The following ACTG2 variants were observed in gnomAD, a reference collection of about 807,000 sequenced individuals.
The protein encoded by ACTG2 is actin, gamma-enteric smooth muscle.
A neutral mutation model predicts 37.6 loss-of-function variants in ACTG2; 16 were observed. That is an observed-to-expected ratio of 0.43 (90% CI 0.29 to 0.65). ACTG2 has a LOEUF of 0.65. Among genes scored for constraint, ACTG2 ranks in the 30% least tolerant of loss-of-function variants. The probability of loss-of-function intolerance (pLI) is 0.18; values close to 1 mark genes in which losing one functional copy is unlikely to be tolerated. For synonymous variants in ACTG2, 181 were observed against 179.9 expected (o/e 1.01, Z -0.05); for missense variants, 238 against 490.9 (o/e 0.48, Z 4.87).
At chr2:73,914,643 C>T in intron 6 of ACTG2, 37 bp from the exon 7 acceptor site, 2 of 1,469,574 alleles carry the variant, frequency 1.4e-6, no homozygotes, top group Non-Finnish European at 1.8e-6. Flanking sequence ...ACTATCAGAG[C>T]TCAGTATTCA....
chr2:73,895,366 T>C (rs781444860), intron 1 of ACTG2, among the ~76,000 whole-genome samples: 2 of 152,214 alleles, frequency 1.3e-5, no homozygotes, highest in Non-Finnish European at 2.9e-5. Flanking sequence ...GAGTTGTTTT[T>C]AATTGAACTC....
Position 73,899,011 on chromosome 2 carries a change from C to T in ACTG2, c.-36-2265C>T, listed in dbSNP as rs1351738055. ...ATTTTTAGTAGAGACGGGGTTTCAC[C>T]ATGTTAGCCAGGATGGTCTTGATCT... On this transcript the variant is annotated intron_variant, in intron 1 of 8. Coordinates refer to ENST00000345517, the MANE Select transcript of ACTG2 (RefSeq NM_001615.4). Among the ~76,000 whole-genome samples, 8 of 151,790 alleles carry T rather than the reference C, an allele frequency of 5.3e-5. No individual in the cohort carries two copies. In the South Asian group the frequency reaches 6.2e-4, roughly 12 times the overall value.
Position 73,902,922 on chromosome 2 carries a change from C to T in ACTG2, c.255+434C>T, listed in dbSNP as rs1573463396. ...CAATATTTACTCAGGCCAGTGCTCA[C>T]CCCTTCTTTAAAATGCTGGTGCTGG... On this transcript the variant is annotated intron_variant, in intron 3 of 8. Coordinates refer to ENST00000345517, the MANE Select transcript of ACTG2 (RefSeq NM_001615.4). 34 of 752,000 alleles carry T rather than the reference C, an allele frequency of 4.5e-5. No individual in the cohort carries two copies. In the East Asian group the frequency reaches 9.4e-4, roughly 21 times the overall value. 46.6% of individuals were successfully genotyped at this position (752,000 alleles called of 1,614,324 possible).
intron 1 of ACTG2, chr2:73,897,280 A>AAAGGGCCCATT (rs1208658435): frequency 1.3e-5 from 2 of 152,204 alleles, no homozygotes; most frequent in East Asian, 3.8e-4. Context: ...GAGGGAGACA[A>AAAGGGCCCATT]AAGGGCCCAT....
At chr2:73,915,099 A>G (rs1680229477) in intron 7 of ACTG2, among the ~76,000 whole-genome samples, 1 of 152,222 alleles carries the variant, frequency 6.6e-6, no homozygotes, top group Admixed American at 6.5e-5. Flanking sequence ...AGAACAGGAA[A>G]TATAACATGA....
chr2:73,916,986 T>C (rs1354402018), intron 8 of ACTG2, among the ~76,000 whole-genome samples: 1 of 152,160 alleles, frequency 6.6e-6, no homozygotes, highest in Non-Finnish European at 1.5e-5. Context: ...CCCAGGAATG[T>C]CACATGAGAA....
At chr2:73,919,046 A>T (rs1002629207) in intron 8 of ACTG2, among the ~76,000 whole-genome samples, 1 of 152,204 alleles carries the variant, frequency 6.6e-6, no homozygotes, top group Non-Finnish European at 1.5e-5. Flanking sequence ...AGCTCAGGTC[A>T]AGTCCATATT....
rs1219089654 is a variant in ACTG2 at position 73,906,344 on chromosome 2, G to A, written c.256-2329G>A. ...TGGGCACCCGTAGTCCCAGCTACTC[G>A]GGAGGCTGACGCAGGAGAATGCCGT... On this transcript the variant is annotated intron_variant, in intron 3 of 8. Transcript: ENST00000345517. 2.6e-5 allele frequency among the ~76,000 whole-genome samples: 4 copies of A among 151,844 alleles called. No homozygotes were observed. In the East Asian group the frequency reaches 5.8e-4, roughly 22 times the overall value.
chr2:73,913,366 A>G (rs1678870358), intron 5 of ACTG2, 119 bp from the exon 6 acceptor site: 1 of 930,060 alleles, frequency 1.1e-6, no homozygotes, highest in African/African-American at 1.7e-5. Flanking sequence ...GTGATGGGTG[A>G]ATATTCTTAA....
intron 8 of ACTG2, among the ~76,000 whole-genome samples, chr2:73,918,940 A>G (rs1289390609): frequency 6.6e-6 from 1 of 152,208 alleles, no homozygotes; most frequent in Non-Finnish European, 1.5e-5. Flanking sequence ...AACAATGAGC[A>G]TTTATTACTC....
rs548470785 is a variant in ACTG2, at chr2:73,901,274, A to G, written c.-36-2A>G. 9 of 1,516,898 alleles carry G rather than the reference A, an allele frequency of 5.9e-6. No individual in the cohort carries two copies. The African/African-American group carries it at 9.8e-5, about 17-fold the overall frequency. 94.0% of individuals were successfully genotyped at this position (1,516,898 alleles called of 1,614,324 possible). The stretch of plus-strand genomic sequence containing the variant: ...TAGTTCTCTTCTCCCGCAAATCCCA[A>G]GGTGCTCCAGTCCCCAGCTCACTCA... On this transcript the variant is annotated splice_acceptor_variant, in intron 1 of 8. Transcript: ENST00000345517. LOFTEE classifies it low-confidence loss of function (5UTR_SPLICE).
chr2:73,913,446 GA>G, intron 5 of ACTG2, 38 bp from the exon 6 acceptor site: 1 of 1,529,578 alleles, frequency 6.5e-7, no homozygotes, highest in Non-Finnish European at 8.9e-7. Context: ...TGAAAGGCAA[GA>G]ATGAGAATTT....
intron 1 of ACTG2, among the ~76,000 whole-genome samples, chr2:73,894,426 G>A (rs1679697057): frequency 6.6e-6 from 1 of 152,200 alleles, no homozygotes; most frequent in South Asian, 2.1e-4. Flanking sequence ...CCAGGCCTGA[G>A]AAAAGGGGAT....
intron 6 of ACTG2, 119 bp downstream of exon 6, chr2:73,913,765 A>G: frequency 1.2e-6 from 1 of 851,320 alleles, no homozygotes; most frequent in Non-Finnish European, 1.8e-6. Context: ...CCTGAGATAG[A>G]CTGAGAGGCC....
intron 1 of ACTG2, 39 bp from the exon 2 acceptor site, chr2:73,901,237 C>T (rs1679864338): frequency 7.0e-7 from 1 of 1,437,276 alleles, no homozygotes; most frequent in Non-Finnish European, 9.3e-7. Flanking sequence ...ACTGATTTGA[C>T]AAGTGGCTGA....
chr2:73,913,690 T>A (rs774088026), intron 6 of ACTG2, 44 bp downstream of exon 6: 1 of 1,546,054 alleles, frequency 6.5e-7, no homozygotes, highest in South Asian at 1.2e-5. Flanking sequence ...TCAGAACCAA[T>A]CTGGTTTAGG....
At chr2:73,900,782 C>T (rs1207768375) in intron 1 of ACTG2, among the ~76,000 whole-genome samples, 1 of 152,190 alleles carries the variant, frequency 6.6e-6, no homozygotes, top group African/African-American at 2.4e-5. Flanking sequence ...CAGTTCCTTT[C>T]CACACTCCCA....
chr2:73,916,566 C>G lies in ACTG2; in HGVS notation c.806-18C>G, dbSNP rs776326363. On this transcript the variant is annotated intron_variant, in intron 7 of 8. Transcript: ENST00000345517. ...TAGGAAGTGATGCCTGTTGACCAGA[C>G]ACTGTGATCTCCACTAGGCATGGAG... 1.9e-6 allele frequency: 3 copies of G among 1,604,560 alleles called. No individual in the cohort carries two copies. In the African/African-American group the frequency reaches 4.0e-5, roughly 21 times the overall value.
chr2:73,907,584 C>T (rs748389136), intron 3 of ACTG2, among the ~76,000 whole-genome samples: 2 of 152,128 alleles, frequency 1.3e-5, no homozygotes, highest in Admixed American at 6.5e-5. Flanking sequence ...TGGGCTCAAG[C>T]GATCCTCCTG....
Sources: gnomAD v4.1 joint callset for allele counts (sites outside exome capture counted in the v4.1 genomes callset) on GRCh38, gnomAD v4.1.1 for gene constraint, MANE v1.5 for transcripts, NCBI Gene and HGNC (gene_info 2026-07-23, HGNC 2026-07-21) for gene names.